Variants in PARP9 observed in about 807,000 individuals in gnomAD.
The protein encoded by PARP9 is protein mono-ADP-ribosyltransferase PARP9.
In PARP9, 48 loss-of-function variants were observed where a neutral mutation model predicts 68.8. The observed-to-expected ratio is 0.70, with a 90% CI of 0.55 to 0.89. PARP9 has a LOEUF of 0.89. PARP9 is among the 40% of genes least tolerant of loss of function. The probability of loss-of-function intolerance (pLI) is 0.00; values close to 1 mark genes in which losing one functional copy is unlikely to be tolerated. For missense variants in PARP9, 806 were observed against 969.3 expected, an observed-to-expected ratio of 0.83 and a Z score of 2.24; for synonymous variants, 309 against 333.8, an observed-to-expected ratio of 0.93 and a Z score of 0.81.
intron 6 of PARP9, among the ~76,000 whole-genome samples, chr3:122,546,588 T>C (rs748516315): frequency 1.1e-4 from 17 of 152,222 alleles, no homozygotes; most frequent in Non-Finnish European, 2.1e-4. Context: ...TATTAGAAGA[T>C]GTATACATTA....
chr3:122,544,116 G>A (rs1253934576), intron 7 of PARP9, among the ~76,000 whole-genome samples: 3 of 152,070 alleles, frequency 2.0e-5, no homozygotes, highest in Admixed American at 6.5e-5. Context: ...CCCCAAACAT[G>A]CACTGGATTT....
intron 3 of PARP9, 54 bp from the exon 4 acceptor site, chr3:122,556,175 C>T (rs559477896): frequency 2.7e-5 from 21 of 781,330 alleles, no homozygotes; most frequent in South Asian, 2.6e-4. Context: ...AAAAAAAAAG[C>T]ACAGTTTGAA....
chr3:122,542,073 A>T (rs1229240235), intron 7 of PARP9, among the ~76,000 whole-genome samples: 1 of 152,198 alleles, frequency 6.6e-6, no homozygotes, highest in Non-Finnish European at 1.5e-5. Flanking sequence ...TACTTTTTTT[A>T]AAACCCTTGT....
chr3:122,556,724 A>T (rs1559874294), intron 3 of PARP9, among the ~76,000 whole-genome samples: 1 of 151,944 alleles, frequency 6.6e-6, no homozygotes, highest in Non-Finnish European at 1.5e-5. Flanking sequence ...AACTAGGCAG[A>T]TGGAACTTAA....
chr3:122,536,010 A>G, intron 10 of PARP9, 158 bp downstream of exon 10: 2 of 1,523,622 alleles, frequency 1.3e-6, no homozygotes, highest in Non-Finnish European at 1.8e-6. Context: ...CACTCTTTCC[A>G]AAATACTTTG....
chr3:122,542,533 G>A (rs372770980), intron 7 of PARP9, among the ~76,000 whole-genome samples: 3 of 152,028 alleles, frequency 2.0e-5, no homozygotes, highest in East Asian at 1.9e-4. Context: ...AGGCTGGAGT[G>A]TAGTGGCGCA....
intron 1 of PARP9, among the ~76,000 whole-genome samples, chr3:122,562,193 C>CTTTTCTTTTA: frequency 1.0e-5 from 1 of 97,762 alleles, no homozygotes; most frequent in East Asian, 3.2e-4. Context: ...CTTTTCTTTT[C>CTTTTCTTTTA]TTTTCTTTTC....
Position 122,553,903 on chromosome 3 carries a change from G to A in PARP9, c.886-1264C>T, listed in dbSNP as rs2079421007. ...GCCTTGAGGCTATAGGGATGAATAAGCCAAGATCTCCATCTTTAAGGTGCT... is the reference window on the plus strand; with the variant it reads ...GCCTTGAGGCTATAGGGATGAATAAACCAAGATCTCCATCTTTAAGGTGCT... On this transcript the variant is annotated intron_variant, in intron 4 of 10. Transcript: ENST00000682323. Among the ~76,000 whole-genome samples the A allele has an allele frequency of 3.3e-5, 5 of 152,148 alleles. No homozygotes were observed. The South Asian group carries it at 1.0e-3, about 32-fold the overall frequency.
chr3:122,540,768 T>C lies in PARP9; in HGVS notation c.1469A>G (p.Glu490Gly), dbSNP rs756012991. 2 of 1,614,162 alleles carry C rather than the reference T, an allele frequency of 1.2e-6. No homozygotes were observed. The highest frequency in any genetic ancestry group is 3.3e-5 in the Admixed American group (2 of 60,026). The change falls in exon 8 of 11, where the codon GAA becomes GGA. Residue 490 changes from glutamate (E) to glycine (G), a missense_variant. Coordinates refer to ENST00000682323, the MANE Select transcript of PARP9 (RefSeq NM_001146105.2). ...PAINLMGFNV[E>G]EMYEAHAWIQ... ...CCATGCGTGGGCCTCATACATCTCT[T>C]CCACGTTGAATCCCATCAGATTGAT... is the stretch of plus-strand genomic sequence containing the variant.
intron 7 of PARP9, among the ~76,000 whole-genome samples, chr3:122,542,336 A>T (rs1160670428): frequency 1.5e-4 from 20 of 134,822 alleles, no homozygotes; most frequent in African/African-American, 5.1e-4. Flanking sequence ...CAATACACCC[A>T]CCTTGGCCTC....
At chr3:122,551,704 T>C (rs868494465) in intron 5 of PARP9, among the ~76,000 whole-genome samples, 11 of 152,112 alleles carry the variant, frequency 7.2e-5, no homozygotes, top group African/African-American at 2.4e-4. Context: ...TTGATTGGAA[T>C]GATGCTGGAG....
chr3:122,560,013 T>G (rs900949709), intron 1 of PARP9, among the ~76,000 whole-genome samples: 1 of 152,138 alleles, frequency 6.6e-6, no homozygotes, highest in Non-Finnish European at 1.5e-5. Context: ...CAGGAGGTTT[T>G]TACATATTTA....
At chr3:122,556,298 C>T (rs1047881179) in intron 3 of PARP9, among the ~76,000 whole-genome samples, 177 bp from the exon 4 acceptor site, 14 of 151,938 alleles carry the variant, frequency 9.2e-5, no homozygotes, top group Non-Finnish European at 2.9e-5. Context: ...TATAATTAGA[C>T]CACGGACATC....
chr3:122,558,272 G>A (rs1433419589), intron 3 of PARP9, 162 bp downstream of exon 3: 1 of 1,572,334 alleles, frequency 6.4e-7, no homozygotes, highest in Non-Finnish European at 8.7e-7. Context: ...GCTGGTCGGT[G>A]CCACACCAAC....
At chr3:122,540,391 A>G (rs1040681500) in intron 8 of PARP9, 81 bp downstream of exon 8, 1 of 1,500,766 alleles carries the variant, frequency 6.7e-7, no homozygotes, top group African/African-American at 1.4e-5. Flanking sequence ...TCTCTTACCC[A>G]CATCCATACA....
intron 8 of PARP9, among the ~76,000 whole-genome samples, chr3:122,538,091 CAAGTTGT>C (rs1329036160): frequency 9.9e-5 from 15 of 152,156 alleles, no homozygotes; most frequent in Non-Finnish European, 1.9e-4. Context: ...ACTAGAGAGC[CAAGTTGT>C]AAATCTGAGA....
intron 1 of PARP9, among the ~76,000 whole-genome samples, chr3:122,561,666 T>C (rs964611157): frequency 3.3e-5 from 5 of 152,222 alleles, no homozygotes; most frequent in African/African-American, 7.2e-5. Context: ...CTGCGTTCAC[T>C]TCCACCATCT....
At position 122,540,605 on chromosome 3, in the gene PARP9, T is replaced by C; in HGVS notation, c.1632A>G (p.Pro544=). 1 of 1,614,198 alleles carries C rather than the reference T, an allele frequency of 6.2e-7. No homozygotes were observed. Among genetic ancestry groups the C allele is most frequent in the Non-Finnish European group, 8.5e-7 (1 of 1,180,032 alleles). The change falls in exon 8 of 11, where the codon CCA becomes CCG. Residue 544 remains proline (P), a synonymous_variant. Coordinates refer to ENST00000682323, the MANE Select transcript of PARP9 (RefSeq NM_001146105.2). ...CTTCAATCTCTAACTCTGTCCTTCC[T>C]GGGCTGATAATTTCTGTGATGGAGA... is the stretch of plus-strand genomic sequence containing the variant. The part of the protein sequence containing the change: ...SSVSITEIIS[P]GRTELEIEGA...
intron 7 of PARP9, among the ~76,000 whole-genome samples, chr3:122,544,032 C>A (rs2078488215): frequency 6.6e-6 from 1 of 152,180 alleles, no homozygotes; most frequent in Admixed American, 6.5e-5. Flanking sequence ...ACATACAGAC[C>A]TTTTTATGTT....
Sources: allele counts gnomAD v4.1 joint callset (sites outside exome capture counted in the v4.1 genomes callset), GRCh38; gene constraint gnomAD v4.1.1; transcripts MANE v1.5; gene names NCBI Gene and HGNC (gene_info 2026-07-23, HGNC 2026-07-21).